The following PCDHGA4 variants were observed in gnomAD, a reference collection of about 807,000 sequenced individuals.
The protein encoded by PCDHGA4 is protocadherin gamma-A4.
A neutral mutation model predicts 54.6 loss-of-function variants in PCDHGA4; 38 were observed. The ratio of observed to expected loss-of-function variants is 0.70; its 90% confidence interval spans 0.54 to 0.91. The LOEUF (loss-of-function observed/expected upper bound fraction) is 0.91, where lower values mean the gene tolerates loss of function less well. Ranked by LOEUF, PCDHGA4 falls within the 40% of genes least tolerant of loss-of-function variation. PCDHGA4 has a pLI of 0.00. For missense variants in PCDHGA4, 1,298 were observed against 1,220.9 expected (o/e 1.06, Z -0.94); for synonymous variants, 511 against 512.9 (o/e 1.00, Z 0.05).
chr5:141,390,300 T>A, intron 1 of PCDHGA4: 1 of 1,613,822 alleles, frequency 6.2e-7, no homozygotes, highest in Non-Finnish European at 8.5e-7. Flanking sequence ...CCTTTAAGTA[T>A]AATTTAATGC....
rs1430797606 is a variant in PCDHGA4 at position 141,370,494 on chromosome 5, C to T, written c.2514+12873C>T. On this transcript the variant is annotated intron_variant, in intron 1 of 3. Coordinates refer to ENST00000571252, the MANE Select transcript of PCDHGA4 (RefSeq NM_018917.4). ...AGACCAGGCTCTCTCCGAACCGATC[C>T]GCTACGCTATTCCCGAGGAGCTGGA... 3.1e-6 allele frequency: 5 copies of T among 1,613,784 alleles called. No homozygotes were observed. The African/African-American group carries it at 5.3e-5, about 17-fold the overall frequency.
Position 141,476,757 on chromosome 5 carries a change from T to C in PCDHGA4, c.2515-18050T>C. On this transcript the variant is annotated intron_variant, in intron 1 of 3. Coordinates refer to ENST00000571252, the MANE Select transcript of PCDHGA4 (RefSeq NM_018917.4). This position sits in a 1 kb window ranked among gnomAD's most constrained non-coding sequence, Gnocchi z 7.6. ...CGGGAGCCTAGTCTCCAGTTAGTGC[T>C]GACGGCGTTGGACGGAGGGACCCCA... 1.2e-6 allele frequency: 2 copies of C among 1,613,906 alleles called. No individual in the cohort carries two copies. The highest frequency in any genetic ancestry group is 1.7e-6 in the Non-Finnish European group (2 of 1,180,004).
chr5:141,415,105 C>T (rs1472993181), intron 1 of PCDHGA4: 1 of 1,613,652 alleles, frequency 6.2e-7, no homozygotes, highest in African/African-American at 1.3e-5. Flanking sequence ...CGCGCTCAAG[C>T]AAAGCCTCGT....
At chr5:141,416,794 G>A (rs1002101061) in intron 1 of PCDHGA4, 1 of 152,070 alleles carries the variant, frequency 6.6e-6, no homozygotes, top group East Asian at 1.9e-4. Flanking sequence ...ACTAAATGTG[G>A]TAGTATAAAG....
At chr5:141,409,942 C>T (rs1168442761) in intron 1 of PCDHGA4, 4 of 1,613,284 alleles carry the variant, frequency 2.5e-6, no homozygotes, top group South Asian at 1.1e-5. Flanking sequence ...TGGTACCTCG[C>T]TCTGCAGAGC....
rs1163396034 is a variant in PCDHGA4 at position 141,357,533 on chromosome 5, C to T, written c.2426C>T (p.Thr809Met). 6.8e-6 allele frequency: 11 copies of T among 1,614,076 alleles called. No homozygotes were observed. Among genetic ancestry groups the T allele is most frequent in the Non-Finnish European group, 9.3e-6 (11 of 1,180,036 alleles). ...LIFSQPSYAD[T>M]LISRESCEKS... ...TTCTCCCAACCCAGCTATGCAGACA[C>T]GCTCATCAGCCGGGAGAGTTGTGAG... is the stretch of plus-strand genomic sequence containing the variant. Residue 809 changes from threonine to methionine, a missense_variant, in exon 1 of 4, where the codon ACG becomes ATG. Thr to Met is a moderately conservative substitution (Grantham distance 81). Transcript: ENST00000571252.
chr5:141,490,804 T>C lies in PCDHGA4; in HGVS notation c.2515-4003T>C. On this transcript the variant is annotated intron_variant, in intron 1 of 3. Coordinates refer to ENST00000571252, the MANE Select transcript of PCDHGA4 (RefSeq NM_018917.4). This position sits in a 1 kb window ranked among gnomAD's most constrained non-coding sequence, Gnocchi z 5.4. The stretch of plus-strand genomic sequence containing the variant: ...TGGACGGATCTTTGCCCAGCGTACC[T>C]TTGACTATGAATTGCTGCAGATGCT... 2 of 1,613,854 alleles carry C rather than the reference T, an allele frequency of 1.2e-6. No homozygotes were observed. Among genetic ancestry groups the C allele is most frequent in the Non-Finnish European group, 1.7e-6 (2 of 1,179,816 alleles).
At chr5:141,384,360 C>A in intron 1 of PCDHGA4, 1 of 1,613,902 alleles carries the variant, frequency 6.2e-7, no homozygotes, top group Non-Finnish European at 8.5e-7. Context: ...ATGCCCAGAT[C>A]ACTTATTCCT....
chr5:141,485,961 A>G lies in PCDHGA4; in HGVS notation c.2515-8846A>G. Reference sequence around the variant, plus strand: ...GCACCAGCGGGCATGGTGCTCATCCAGCTCAATGCCTCAGACCCGGACCTG... The same window carrying G: ...GCACCAGCGGGCATGGTGCTCATCCGGCTCAATGCCTCAGACCCGGACCTG... On this transcript the variant is annotated intron_variant, in intron 1 of 3. Coordinates refer to ENST00000571252, the MANE Select transcript of PCDHGA4 (RefSeq NM_018917.4). This position sits in a 1 kb window ranked among gnomAD's most constrained non-coding sequence, Gnocchi z 5.7. 1 of 1,614,204 alleles carries G rather than the reference A, an allele frequency of 6.2e-7. No individual in the cohort carries two copies. Among genetic ancestry groups the G allele is most frequent in the Non-Finnish European group, 8.5e-7 (1 of 1,180,028 alleles).
chr5:141,388,434 G>A (rs767784412), intron 1 of PCDHGA4: 3 of 1,613,878 alleles, frequency 1.9e-6, no homozygotes, highest in Non-Finnish European at 2.5e-6. Flanking sequence ...GATAAATAAA[G>A]AGAAATCAGA....
intron 1 of PCDHGA4, chr5:141,415,883 G>C: frequency 1.0e-6 from 1 of 984,090 alleles, no homozygotes; most frequent in Non-Finnish European, 1.4e-6. Context: ...GTACAATATT[G>C]ACAATTCCTA....
Position 141,355,340 on chromosome 5 carries a change from A to G in PCDHGA4, c.233A>G (p.Asn78Ser), listed in dbSNP as rs1203546160. The change falls in exon 1 of 4, where the codon AAC (asparagine) becomes AGC (serine). Residue 78 changes from asparagine to serine, a missense_variant. By Grantham distance (46) the Asn-to-Ser change is conservative. Transcript: ENST00000571252. ...CAGGAAGAAGGCTCAGTGGTGGGCA[A>G]CATCGCCAAGGACCTGGGGTTGGCG... ...EEQEEGSVVG[N>S]IAKDLGLAPR... 6.2e-7 allele frequency: 1 copy of G among 1,614,038 alleles called. No individual in the cohort carries two copies. Among genetic ancestry groups the G allele is most frequent in the Non-Finnish European group, 8.5e-7 (1 of 1,179,914 alleles).
chr5:141,394,257 C>A (rs1256817731), intron 1 of PCDHGA4: 1 of 1,613,828 alleles, frequency 6.2e-7, no homozygotes, highest in Non-Finnish European at 8.5e-7. Flanking sequence ...CCCCGACAGC[C>A]AGGAGAATGC....
chr5:141,449,075 T>C (rs1452456191), intron 1 of PCDHGA4, among the ~76,000 whole-genome samples: 3 of 152,240 alleles, frequency 2.0e-5, no homozygotes, highest in African/African-American at 7.2e-5. Context: ...AATAGCCCTG[T>C]ACCTACATCA....
At position 141,410,026 on chromosome 5, in the gene PCDHGA4, G is replaced by A. The variant is rs571122351; in HGVS notation, c.2514+52405G>A. 37 of 1,613,302 alleles carry A rather than the reference G, an allele frequency of 2.3e-5. 2 individuals carry two copies. The East Asian group carries it at 8.0e-4, about 35-fold the overall frequency. On this transcript the variant is annotated intron_variant, in intron 1 of 3. Coordinates refer to ENST00000571252, the MANE Select transcript of PCDHGA4 (RefSeq NM_018917.4). ...ACAACGCCTGGCTGTCCTACCACGTGCTGCAGGCCAGTGAGCCCGGACTCT... is the reference window on the plus strand; with the variant it reads ...ACAACGCCTGGCTGTCCTACCACGTACTGCAGGCCAGTGAGCCCGGACTCT...
In PCDHGA4 at chr5:141,482,843, G is replaced by T. The variant is rs1005014887; in HGVS notation, c.2515-11964G>T. On this transcript the variant is annotated intron_variant, in intron 1 of 3. Transcript: ENST00000571252. ...TCCTAGCACTTTGGGAGGCCAAGGT[G>T]GGCAGATCACTTGAGGTCAGGAGTT... Among the ~76,000 whole-genome samples the T allele has an allele frequency of 4.3e-5, 6 of 140,152 alleles. No homozygotes were observed. The South Asian group carries it at 8.6e-4, about 20-fold the overall frequency. 91.9% of individuals were successfully genotyped at this position (140,152 alleles called of 152,430 possible).
intron 1 of PCDHGA4, chr5:141,374,488 G>A (rs777789497): frequency 6.2e-7 from 1 of 1,611,190 alleles, no homozygotes; most frequent in East Asian, 2.2e-5. Flanking sequence ...GATTCTTAAA[G>A]GAAGAATTGG....
chr5:141,463,590 A>G (rs975534405), intron 1 of PCDHGA4, among the ~76,000 whole-genome samples: 3 of 151,848 alleles, frequency 2.0e-5, no homozygotes, highest in African/African-American at 7.3e-5. Flanking sequence ...CTGGGACTAC[A>G]GGTGCCTGCC....
At position 141,414,245 on chromosome 5, in the gene PCDHGA4, T is replaced by G. The variant is rs760119941; in HGVS notation, c.2514+56624T>G. On this transcript the variant is annotated intron_variant, in intron 1 of 3. Transcript: ENST00000571252. ...CCAGAGCTGACCATCACGTCTCTAT[T>G]TAGTCCAGTGACTGAAGATTCACCT... 49 of 1,613,380 alleles carry G rather than the reference T, an allele frequency of 3.0e-5. 1 individual carries two copies. The highest frequency in any genetic ancestry group is 1.3e-4 in the South Asian group (12 of 90,978).
Sources: allele counts gnomAD v4.1 joint callset (sites outside exome capture counted in the v4.1 genomes callset), GRCh38; gene constraint gnomAD v4.1.1; non-coding constraint Gnocchi (gnomAD v3.1); transcripts MANE v1.5; gene names NCBI Gene and HGNC (gene_info 2026-07-23, HGNC 2026-07-21).